Variants in FAM219A observed in about 807,000 individuals in gnomAD.
FAM219A encodes family with sequence similarity 219 member A.
Under a neutral mutation model 23.4 loss-of-function variants are expected in FAM219A, and 7 were observed. The observed-to-expected ratio is 0.30, with a 90% CI of 0.17 to 0.56. The LOEUF (loss-of-function observed/expected upper bound fraction) is 0.56. Ranked by LOEUF, FAM219A falls within the 20% of genes least tolerant of loss-of-function variation. FAM219A has a pLI of 0.92. For synonymous variants in FAM219A, 93 were observed against 99.0 expected (o/e 0.94, Z 0.36); for missense variants, 166 against 246.9 (o/e 0.67, Z 2.20).
chr9:34,421,007 TGTGA>T (rs1419491024), intron 1 of FAM219A, among the ~76,000 whole-genome samples: 27 of 76,794 alleles, frequency 3.5e-4, no homozygotes, highest in South Asian at 1.3e-3. Context: ...TGTGTGTGTG[TGTGA>T]GAGAGAGAGA....
intron 1 of FAM219A, among the ~76,000 whole-genome samples, chr9:34,429,408 C>T (rs1822608627): frequency 6.6e-6 from 1 of 152,176 alleles, no homozygotes; most frequent in African/African-American, 2.4e-5. Flanking sequence ...GCAGACTTAC[C>T]CTCCTCACTC....
chr9:34,434,201 CAAAAAAAAAAAAA>C (rs56144317), intron 1 of FAM219A, among the ~76,000 whole-genome samples: 193 of 44,984 alleles, frequency 4.3e-3, no homozygotes, highest in Non-Finnish European at 5.2e-3. Context: ...GACTCCGTCT[CAAAAAAAAAAAAA>C]AAAAAAAAAA....
chr9:34,421,009 T>TGAGAGAGA (rs143749316), intron 1 of FAM219A, among the ~76,000 whole-genome samples: 10,741 of 86,368 alleles, frequency 0.12, 809 homozygotes, highest in East Asian at 0.2. Context: ...TGTGTGTGTG[T>TGAGAGAGA]GAGAGAGAGA....
intron 2 of FAM219A, among the ~76,000 whole-genome samples, 188 bp from the exon 3 acceptor site, chr9:34,402,995 G>C (rs1821506833): frequency 6.6e-6 from 1 of 152,206 alleles, no homozygotes. Flanking sequence ...ACCTGAGGCA[G>C]ACAGTGGGGG....
chr9:34,401,134 GGGGAGGGA>G lies in FAM219A; in HGVS notation c.400-20_400-13del, dbSNP rs1311056557. 2 of 1,612,540 alleles carry G rather than the reference GGGGAGGGA, an allele frequency of 1.2e-6. No individual in the cohort carries two copies. The highest frequency in any genetic ancestry group is 2.2e-5 in the South Asian group (2 of 90,970). ...TCTTGGTTGATCTGCTGTAGGCAAA[GGGGAGGGA>G]GGTCAGGCCCGAGCGGCAGGGAGGC... On this transcript the variant is annotated splice_polypyrimidine_tract_variant and intron_variant, in intron 5 of 5. Coordinates refer to ENST00000651358, the MANE Select transcript of FAM219A (RefSeq NM_001184940.2).
rs976806768 is a variant in FAM219A, at chr9:34,417,063, CCCTTCT to C, written c.61-11105_61-11100del. ...CTTCTTCCCCTTCCCTTTCCCCTTC[CCCTTCT>C]CCTTCTTCTTCTTTTTGGAGTCAGA... On this transcript the variant is annotated intron_variant, in intron 1 of 5. Coordinates refer to ENST00000651358, the MANE Select transcript of FAM219A (RefSeq NM_001184940.2). This position sits in a 1 kb window ranked among gnomAD's most constrained non-coding sequence, Gnocchi z 4.1. 9.4e-5 allele frequency among the ~76,000 whole-genome samples: 14 copies of C among 148,584 alleles called. No homozygotes were observed. The highest frequency in any genetic ancestry group is 2.0e-4 in the Non-Finnish European group (13 of 66,040).
At chr9:34,418,454 G>A (rs1822117900) in intron 1 of FAM219A, among the ~76,000 whole-genome samples, 2 of 152,196 alleles carry the variant, frequency 1.3e-5, no homozygotes, top group South Asian at 4.1e-4. Context: ...GGAAGCCTGT[G>A]CATAAGGGCC....
intron 1 of FAM219A, among the ~76,000 whole-genome samples, chr9:34,419,567 T>C (rs1343767028): frequency 6.6e-6 from 1 of 152,128 alleles, no homozygotes; most frequent in Non-Finnish European, 1.5e-5. Context: ...GTACAAGACA[T>C]GTGGTTGGAG....
At position 34,399,838 on chromosome 9, in the gene FAM219A, C is replaced by G. The variant is rs915777009; in HGVS notation, c.*1126G>C. ...GGTCCAAGGCTGTCAGCCCATTGCACTGCTGAGCCGCCTTCTGCACTGTAA... is the reference window on the plus strand; with the variant it reads ...GGTCCAAGGCTGTCAGCCCATTGCAGTGCTGAGCCGCCTTCTGCACTGTAA... On this transcript the variant is annotated 3_prime_UTR_variant, in exon 6 of 6. Coordinates refer to ENST00000651358, the MANE Select transcript of FAM219A (RefSeq NM_001184940.2). 3 of 152,312 alleles carry G rather than the reference C, an allele frequency of 2.0e-5. No individual in the cohort carries two copies. The highest frequency in any genetic ancestry group is 1.3e-4 in the Admixed American group (2 of 15,292). 9.4% of individuals were successfully genotyped at this position (152,312 alleles called of 1,614,324 possible).
chr9:34,405,030 G>A (rs1340908049), intron 2 of FAM219A, among the ~76,000 whole-genome samples: 1 of 152,228 alleles, frequency 6.6e-6, no homozygotes, highest in East Asian at 1.9e-4. Flanking sequence ...ATGGACAGGA[G>A]GGTGGCCTTG....
At chr9:34,425,184 G>A (rs1197126211) in intron 1 of FAM219A, among the ~76,000 whole-genome samples, 3 of 152,072 alleles carry the variant, frequency 2.0e-5, no homozygotes, top group Middle Eastern at 3.4e-3. Context: ...ATAGTTTTCT[G>A]TAAAAATAAA....
chr9:34,415,658 A>G (rs555018591), intron 1 of FAM219A, among the ~76,000 whole-genome samples: 1 of 152,254 alleles, frequency 6.6e-6, no homozygotes, highest in South Asian at 2.1e-4. Flanking sequence ...TCCCATCTTC[A>G]TGGTCATAGG....
intron 1 of FAM219A, among the ~76,000 whole-genome samples, chr9:34,423,505 T>C (rs1408679664): frequency 6.6e-6 from 1 of 152,100 alleles, no homozygotes; most frequent in Non-Finnish European, 1.5e-5. Flanking sequence ...GGGGACGAAG[T>C]GGCAGGTGAT....
At position 34,399,639 on chromosome 9, in the gene FAM219A, C is replaced by T. The variant is rs533667915; in HGVS notation, c.*1325G>A. The T allele has an allele frequency of 3.3e-5, 5 of 152,310 alleles. No homozygotes were observed. The East Asian group carries it at 9.6e-4, about 29-fold the overall frequency. The allele number at this position is 152,310 out of a possible 1,614,324, so 9.4% of individuals were successfully genotyped here. ...AGACACACAGAGATTGCCCCCTCCCCACCACAGAAATTTCTATGAAGAAAC... is the reference window on the plus strand; with the variant it reads ...AGACACACAGAGATTGCCCCCTCCCTACCACAGAAATTTCTATGAAGAAAC... On this transcript the variant is annotated 3_prime_UTR_variant, in exon 6 of 6. Coordinates refer to ENST00000651358, the MANE Select transcript of FAM219A (RefSeq NM_001184940.2).
At chr9:34,412,583 C>A (rs1821860994) in intron 1 of FAM219A, among the ~76,000 whole-genome samples, 1 of 141,626 alleles carries the variant, frequency 7.1e-6, no homozygotes, top group Admixed American at 7.2e-5. Flanking sequence ...AGAATAAAGT[C>A]TCTCAGAATG....
At chr9:34,416,728 ACT>A (rs1446788314) in intron 1 of FAM219A, among the ~76,000 whole-genome samples, 6 of 138,074 alleles carry the variant, frequency 4.3e-5, no homozygotes, top group Non-Finnish European at 9.4e-5. Context: ...ACAAAGTGAG[ACT>A]CTGTCTCAAA....
Position 34,458,185 on chromosome 9 carries a change from C to T in FAM219A, c.60+19G>A. 6.3e-7 allele frequency: 1 copy of T among 1,580,438 alleles called. No individual in the cohort carries two copies. The highest frequency in any genetic ancestry group is 8.6e-7 in the Non-Finnish European group (1 of 1,169,346). On this transcript the variant is annotated intron_variant, in intron 1 of 5. Coordinates refer to ENST00000651358, the MANE Select transcript of FAM219A (RefSeq NM_001184940.2). This position sits in a 1 kb window ranked among gnomAD's most constrained non-coding sequence, Gnocchi z 6.6. ...GACGCCCCCTCCGGCCTTGGCCTGC[C>T]CGCCGCCCGCCCCCTCACCAGCGGC...
intron 1 of FAM219A, among the ~76,000 whole-genome samples, chr9:34,407,699 T>C (rs1588034421): frequency 6.6e-6 from 1 of 152,302 alleles, no homozygotes; most frequent in African/African-American, 2.4e-5. Flanking sequence ...TGTCTTTGCA[T>C]TTTAACCAGG....
chr9:34,418,492 G>A (rs1481900489), intron 1 of FAM219A, among the ~76,000 whole-genome samples: 1 of 152,238 alleles, frequency 6.6e-6, no homozygotes, highest in Non-Finnish European at 1.5e-5. Context: ...GACCCAGGAG[G>A]TAGACACCAG....
Sources: gnomAD v4.1 joint callset for allele counts (sites outside exome capture counted in the v4.1 genomes callset) on GRCh38, gnomAD v4.1.1 for gene constraint, Gnocchi (gnomAD v3.1) non-coding constraint, MANE v1.5 for transcripts, NCBI Gene and HGNC (gene_info 2026-07-23, HGNC 2026-07-21) for gene names.